The following RIMS1 variants were observed in gnomAD, a reference collection of about 807,000 sequenced individuals.
The protein encoded by RIMS1 is regulating synaptic membrane exocytosis 1, also known as regulating synaptic membrane exocytosis protein 1.
In RIMS1, 83 loss-of-function variants were observed where a neutral mutation model predicts 214.1. The observed-to-expected ratio is 0.39, with a 90% CI of 0.32 to 0.47. RIMS1 has a LOEUF of 0.47. Ranked by LOEUF, RIMS1 falls within the 20% of genes least tolerant of loss-of-function variation. The probability of loss-of-function intolerance (pLI) is 0.99; values close to 1 mark genes in which losing one functional copy is unlikely to be tolerated. For synonymous variants in RIMS1, 793 were observed against 786.8 expected (o/e 1.01, Z -0.13); for missense variants, 2,050 against 2,161.8 (o/e 0.95, Z 1.03).
At chr6:72,010,228 A>AC (rs1220799553) in intron 2 of RIMS1, among the ~76,000 whole-genome samples, 1 of 152,140 alleles carries the variant, frequency 6.6e-6, no homozygotes, top group East Asian at 1.9e-4. Context: ...AAGAAAAAAA[A>AC]CACATGATTA....
At chr6:72,237,673 C>CT (rs2064814309) in intron 8 of RIMS1, 150 bp from the exon 9 acceptor site, 1 of 616,168 alleles carries the variant, frequency 1.6e-6, no homozygotes, top group Non-Finnish European at 2.8e-6. Context: ...AAGATCCCAT[C>CT]TCAAAAAAAA....
intron 4 of RIMS1, among the ~76,000 whole-genome samples, chr6:72,123,065 G>A (rs978452006): frequency 1.3e-5 from 2 of 151,656 alleles, no homozygotes; most frequent in African/African-American, 4.8e-5. Flanking sequence ...TGTGATGTTA[G>A]GGTGTCAATT....
chr6:71,970,731 A>G (rs1011941324), intron 2 of RIMS1, among the ~76,000 whole-genome samples: 1 of 152,176 alleles, frequency 6.6e-6, no homozygotes, highest in Non-Finnish European at 1.5e-5. Context: ...TGCTCACTCA[A>G]TTCTTTTCTG....
At chr6:72,391,524 A>G (rs145766997) in intron 30 of RIMS1, among the ~76,000 whole-genome samples, 74 of 152,270 alleles carry the variant, frequency 4.9e-4, no homozygotes, top group African/African-American at 1.7e-3. Flanking sequence ...TAAATTTTCC[A>G]TAATTATTTG....
intron 6 of RIMS1, among the ~76,000 whole-genome samples, chr6:72,198,321 T>C (rs1246572516): frequency 4.9e-5 from 5 of 101,652 alleles, no homozygotes; most frequent in Admixed American, 1.0e-4. Context: ...GAACTGGAGG[T>C]TATTATGAAA....
At chr6:71,916,053 A>G (rs1778321735) in intron 1 of RIMS1, among the ~76,000 whole-genome samples, 1 of 152,134 alleles carries the variant, frequency 6.6e-6, no homozygotes, top group African/African-American at 2.4e-5. Flanking sequence ...TGTGGGAGCT[A>G]CAATTCAAGA....
chr6:72,282,526 A>G (rs563549089), intron 23 of RIMS1, among the ~76,000 whole-genome samples: 1 of 152,154 alleles, frequency 6.6e-6, no homozygotes, highest in African/African-American at 2.4e-5. Context: ...TCCTTCCAGA[A>G]CAGATACACA....
At chr6:72,131,488 A>G (rs1008139599) in intron 4 of RIMS1, among the ~76,000 whole-genome samples, 1 of 152,174 alleles carries the variant, frequency 6.6e-6, no homozygotes, top group African/African-American at 2.4e-5. Context: ...ATGTCCCACA[A>G]GCCACAAAAC....
chr6:72,010,631 G>T (rs1810125395), intron 2 of RIMS1, among the ~76,000 whole-genome samples: 1 of 152,148 alleles, frequency 6.6e-6, no homozygotes, highest in South Asian at 2.1e-4. Context: ...CTTCAGCAAA[G>T]TCTCAGGATA....
At chr6:72,189,285 T>C (rs2049659356) in intron 6 of RIMS1, among the ~76,000 whole-genome samples, 1 of 152,188 alleles carries the variant, frequency 6.6e-6, no homozygotes, top group African/African-American at 2.4e-5. Context: ...AAAAGGCCAT[T>C]CCACTGTTCT....
At chr6:71,928,528 T>A (rs1182421049) in intron 1 of RIMS1, among the ~76,000 whole-genome samples, 1 of 152,162 alleles carries the variant, frequency 6.6e-6, no homozygotes, top group Non-Finnish European at 1.5e-5. Flanking sequence ...TACTGAGTTT[T>A]GGAAAATTTT....
intron 1 of RIMS1, among the ~76,000 whole-genome samples, chr6:71,963,063 A>G (rs1793418381): frequency 6.6e-6 from 1 of 152,186 alleles, no homozygotes; most frequent in South Asian, 2.1e-4. Flanking sequence ...ATGTAGGATG[A>G]TTTGAATACT....
chr6:72,175,535 TG>T (rs1441084401), intron 4 of RIMS1, among the ~76,000 whole-genome samples: 1 of 151,842 alleles, frequency 6.6e-6, no homozygotes, highest in Non-Finnish European at 1.5e-5. Context: ...TAGCTGGGCG[TG>T]GGGGCAGGTG....
At chr6:72,077,121 C>T (rs1399991964) in intron 2 of RIMS1, among the ~76,000 whole-genome samples, 2 of 152,162 alleles carry the variant, frequency 1.3e-5, no homozygotes, top group African/African-American at 4.8e-5. Context: ...TCCTCTTCCC[C>T]ACATGAGTGG....
chr6:72,118,799 A>G (rs1315904267), intron 4 of RIMS1, among the ~76,000 whole-genome samples: 2 of 151,670 alleles, frequency 1.3e-5, no homozygotes, highest in African/African-American at 4.8e-5. Flanking sequence ...ATCCTCAACA[A>G]CATAGTCATA....
At chr6:72,003,901 G>A (rs948671086) in intron 2 of RIMS1, among the ~76,000 whole-genome samples, 11 of 148,942 alleles carry the variant, frequency 7.4e-5, no homozygotes, top group East Asian at 6.0e-4. Flanking sequence ...TAAGTTTTAG[G>A]GTACATGTGC....
intron 2 of RIMS1, among the ~76,000 whole-genome samples, chr6:71,996,305 T>C (rs1035640844): frequency 2.6e-5 from 4 of 152,214 alleles, no homozygotes; most frequent in African/African-American, 9.6e-5. Flanking sequence ...CATTTTTATA[T>C]GATCAAATTG....
chr6:72,348,723 C>T (rs1017972399), intron 29 of RIMS1, among the ~76,000 whole-genome samples: 19 of 151,774 alleles, frequency 1.3e-4, no homozygotes, highest in African/African-American at 4.1e-4. Flanking sequence ...TCAGCACTCA[C>T]TCCCTTTACT....
chr6:71,902,959 G>T (rs1231521812), intron 1 of RIMS1, among the ~76,000 whole-genome samples: 3 of 152,040 alleles, frequency 2.0e-5, no homozygotes, highest in Non-Finnish European at 4.4e-5. Flanking sequence ...CCATGTCTTT[G>T]CTATTGTGAA....
Sources: gnomAD v4.1 joint callset for allele counts (sites outside exome capture counted in the v4.1 genomes callset) on GRCh38, gnomAD v4.1.1 for gene constraint, MANE v1.5 for transcripts, NCBI Gene and HGNC (gene_info 2026-07-23, HGNC 2026-07-21) for gene names.